Variants in ZFAT observed in about 807,000 individuals in gnomAD.
The protein encoded by ZFAT is zinc finger and AT-hook domain containing.
A neutral mutation model predicts 117.7 loss-of-function variants in ZFAT; 64 were observed. That is an observed-to-expected ratio of 0.54 (90% CI 0.44 to 0.67). The LOEUF is 0.67. Ranked by LOEUF, ZFAT falls within the 30% of genes least tolerant of loss-of-function variation. ZFAT has a pLI of 0.00. For missense variants in ZFAT, 1,433 were observed against 1,584.5 expected (o/e 0.90, Z 1.62); for synonymous variants, 679 against 615.0 (o/e 1.10, Z -1.54).
intron 3 of ZFAT, among the ~76,000 whole-genome samples, chr8:134,620,803 G>T (rs571460053): frequency 2.4e-4 from 37 of 152,318 alleles, no homozygotes; most frequent in Non-Finnish European, 8.8e-5. Flanking sequence ...CAGGGTGCTT[G>T]ACAAAGAACA....
intron 2 of ZFAT, among the ~76,000 whole-genome samples, chr8:134,639,463 G>A (rs1022594176): frequency 6.6e-6 from 1 of 152,140 alleles, no homozygotes; most frequent in African/African-American, 2.4e-5. Flanking sequence ...TGGTGGGCAG[G>A]GGAGCACAAA....
At chr8:134,483,060 T>C (rs1349911143) in intron 15 of ZFAT, among the ~76,000 whole-genome samples, 2 of 152,204 alleles carry the variant, frequency 1.3e-5, no homozygotes, top group Non-Finnish European at 2.9e-5. Flanking sequence ...TTCATAGGGC[T>C]TTCTGCAGAG....
intron 11 of ZFAT, among the ~76,000 whole-genome samples, chr8:134,543,043 A>G (rs981087698): frequency 6.6e-6 from 1 of 151,366 alleles, no homozygotes; most frequent in Non-Finnish European, 1.5e-5. Context: ...GCACAGAAGA[A>G]GAGATGGGAT....
Position 134,602,942 on chromosome 8 carries a change from A to G in ZFAT, c.786-9T>C, listed in dbSNP as rs2130935005. On this transcript the variant is annotated splice_polypyrimidine_tract_variant and intron_variant, in intron 5 of 15. Coordinates refer to ENST00000377838, the MANE Select transcript of ZFAT (RefSeq NM_020863.4). ...GCTGAGTGGGACCTAGCCTAGAAAC[A>G]GATGACAGCATGGTTACATCTGGAG... is the stretch of plus-strand genomic sequence containing the variant. 1 of 1,595,616 alleles carries G rather than the reference A, an allele frequency of 6.3e-7. No individual in the cohort carries two copies. The highest frequency in any genetic ancestry group is 8.5e-7 in the Non-Finnish European group (1 of 1,170,638).
chr8:134,782,976 A>AAT, the ZFAT span, among the ~76,000 whole-genome samples: 2,449 of 150,612 alleles, frequency 0.016, 58 homozygotes, highest in African/African-American at 0.053. Flanking sequence ...CAAATATGTA[A>AAT]ATATATATAT....
intron 10 of ZFAT, among the ~76,000 whole-genome samples, chr8:134,577,611 A>G (rs2315835): frequency 0.25 from 37,581 of 152,094 alleles, 5,049 homozygotes; most frequent in East Asian, 0.52. Context: ...ATAAACACAA[A>G]TTTATTGAGT....
intron 13 of ZFAT, among the ~76,000 whole-genome samples, chr8:134,514,667 GT>G (rs1452500394): frequency 6.6e-6 from 1 of 152,124 alleles, no homozygotes; most frequent in Non-Finnish European, 1.5e-5. Context: ...AGGATTCAAA[GT>G]TAAGTCTGTC....
intron 1 of ZFAT, among the ~76,000 whole-genome samples, chr8:134,669,490 T>A (rs1455417438): frequency 6.6e-6 from 1 of 152,130 alleles, no homozygotes; most frequent in Non-Finnish European, 1.5e-5. Flanking sequence ...GAATTTCAAA[T>A]CCTGCCAAAC....
At chr8:134,617,241 G>A (rs772782487) in intron 3 of ZFAT, among the ~76,000 whole-genome samples, 3 of 152,258 alleles carry the variant, frequency 2.0e-5, no homozygotes, top group Non-Finnish European at 4.4e-5. Context: ...CCACACACCT[G>A]GAGCAGGGAC....
chr8:134,668,975 T>C (rs1463835572), intron 1 of ZFAT, among the ~76,000 whole-genome samples: 1 of 152,130 alleles, frequency 6.6e-6, no homozygotes, highest in Non-Finnish European at 1.5e-5. Context: ...CAGTAGCCGA[T>C]TCGATCAACT....
At chr8:134,686,741 C>T (rs1320534688) in intron 1 of ZFAT, among the ~76,000 whole-genome samples, 2 of 152,144 alleles carry the variant, frequency 1.3e-5, no homozygotes, top group Non-Finnish European at 2.9e-5. Flanking sequence ...TAGCTTAGTG[C>T]CTGGCCCCTC....
the ZFAT span, among the ~76,000 whole-genome samples, chr8:134,744,727 C>CTT: frequency 0.31 from 32,338 of 103,340 alleles, 6,258 homozygotes; most frequent in Non-Finnish European, 0.34. Flanking sequence ...GCCTACTCTC[C>CTT]TTTTTTTTTT....
chr8:134,711,706 CTG>C (rs1814005692), intron 1 of ZFAT, among the ~76,000 whole-genome samples: 1 of 152,242 alleles, frequency 6.6e-6, no homozygotes, highest in African/African-American at 2.4e-5. Context: ...TGGGCCCACT[CTG>C]TCACTCCAGG....
intron 1 of ZFAT, among the ~76,000 whole-genome samples, chr8:134,682,473 G>A (rs538527912): frequency 6.6e-6 from 1 of 152,202 alleles, no homozygotes; most frequent in East Asian, 1.9e-4. Context: ...TAAGGGACAT[G>A]GCGAAACCTG....
At chr8:134,772,335 A>G in the ZFAT span, among the ~76,000 whole-genome samples, 1 of 152,256 alleles carries the variant, frequency 6.6e-6, no homozygotes, top group Non-Finnish European at 1.5e-5. Context: ...CACGAAGGAA[A>G]TTCAAAGTGC....
the ZFAT span, among the ~76,000 whole-genome samples, chr8:134,725,030 A>G: frequency 2.0e-5 from 3 of 151,830 alleles, no homozygotes; most frequent in South Asian, 6.2e-4. Flanking sequence ...ACAGCCCCCC[A>G]TCTGCTCCTA....
intron 13 of ZFAT, among the ~76,000 whole-genome samples, chr8:134,516,856 C>CA (rs1047685961): frequency 1.5e-4 from 22 of 151,090 alleles, no homozygotes; most frequent in Admixed American, 5.9e-4. Flanking sequence ...CCCTATCTCT[C>CA]AAAAAAAACT....
the ZFAT span, among the ~76,000 whole-genome samples, chr8:134,731,918 G>A: frequency 6.6e-6 from 1 of 152,150 alleles, no homozygotes; most frequent in Admixed American, 6.5e-5. Context: ...TCTCAGAGAA[G>A]GCATTATTAT....
chr8:134,813,429 T>C, the ZFAT span, among the ~76,000 whole-genome samples: 3 of 152,232 alleles, frequency 2.0e-5, no homozygotes, highest in Non-Finnish European at 2.9e-5. Flanking sequence ...ATTCTTTTTT[T>C]TGAAACAGAG....
Sources: allele counts gnomAD v4.1 joint callset (sites outside exome capture counted in the v4.1 genomes callset), GRCh38; gene constraint gnomAD v4.1.1; transcripts MANE v1.5; gene names NCBI Gene and HGNC (gene_info 2026-07-23, HGNC 2026-07-21).